Variants in EGLN3 observed in about 807,000 individuals in gnomAD.
EGLN3 encodes the protein egl-9 family hypoxia inducible factor 3, also known as prolyl hydroxylase EGLN3.
A neutral mutation model predicts 26.0 loss-of-function variants in EGLN3; 15 were observed. The ratio of observed to expected loss-of-function variants is 0.58; its 90% CI spans 0.39 to 0.89. The LOEUF is 0.89. Ranked by LOEUF, EGLN3 falls within the 40% of genes least tolerant of loss-of-function variation. The pLI is 0.00. For missense variants in EGLN3, 238 were observed against 311.6 expected (o/e 0.76, Z 1.78); for synonymous variants, 147 against 127.2 (o/e 1.16, Z -1.05).
intron 1 of EGLN3, among the ~76,000 whole-genome samples, chr14:33,936,770 A>G (rs1435033106): frequency 1.5e-5 from 1 of 65,522 alleles, no homozygotes; most frequent in African/African-American, 4.1e-5. Flanking sequence ...AAGGCTGGAG[A>G]AAAAAAAAAA....
chr14:33,937,732 C>G (rs1006186706), intron 1 of EGLN3, among the ~76,000 whole-genome samples: 1 of 152,202 alleles, frequency 6.6e-6, no homozygotes, highest in African/African-American at 2.4e-5. Context: ...CTCGCAGAAC[C>G]TACTTACCCA....
At chr14:33,945,861 G>A (rs1310531802) in intron 1 of EGLN3, among the ~76,000 whole-genome samples, 1 of 152,142 alleles carries the variant, frequency 6.6e-6, no homozygotes, top group Non-Finnish European at 1.5e-5. Flanking sequence ...GAGAAGGGTG[G>A]GCCAAAACTG....
At chr14:33,935,679 T>G (rs1053296584) in intron 1 of EGLN3, among the ~76,000 whole-genome samples, 2 of 151,822 alleles carry the variant, frequency 1.3e-5, no homozygotes, top group African/African-American at 4.8e-5. Context: ...GTGTGAGGAC[T>G]TCCAAGAAGT....
At position 33,950,805 on chromosome 14, in the gene EGLN3, C is replaced by G. The variant is rs2064555807; in HGVS notation, c.-53G>C. The G allele has an allele frequency of 8.1e-7, 1 of 1,232,108 alleles. No individual in the cohort carries two copies. Among genetic ancestry groups the G allele is most frequent in the Non-Finnish European group, 1.0e-6 (1 of 956,004 alleles). The allele number at this position is 1,232,108 out of a possible 1,614,324, so 76.3% of individuals were successfully genotyped here. A position where few individuals can be genotyped will look rare whatever the true frequency, so the allele number is the denominator to read the frequency against. ...CCCCAGCGTGCAACCAGAGAGGGAA[C>G]GATCTACACGAGCGCGAAGCCGAGG... On this transcript the variant is annotated 5_prime_UTR_variant, in exon 1 of 5. Coordinates refer to ENST00000250457, the MANE Select transcript of EGLN3 (RefSeq NM_022073.4).
At chr14:33,941,921 G>A (rs1251191645) in intron 1 of EGLN3, among the ~76,000 whole-genome samples, 2 of 152,166 alleles carry the variant, frequency 1.3e-5, no homozygotes, top group Admixed American at 6.5e-5. Context: ...AGCATTTCAG[G>A]GACTGGGAGG....
chr14:33,934,839 T>G (rs2064429835), intron 1 of EGLN3, among the ~76,000 whole-genome samples: 1 of 152,240 alleles, frequency 6.6e-6, no homozygotes, highest in South Asian at 2.1e-4. Flanking sequence ...AAAATTTAAC[T>G]CACCAAATTA....
intron 1 of EGLN3, among the ~76,000 whole-genome samples, chr14:33,945,006 T>C (rs2064508262): frequency 6.6e-6 from 1 of 152,204 alleles, no homozygotes; most frequent in Non-Finnish European, 1.5e-5. Context: ...AAAAACCCCA[T>C]GAAAACTTGC....
Position 33,927,189 on chromosome 14 carries a change from A to ATTTATTTATTTT in EGLN3, c.615-157_615-156insAAAATAAATAAA, listed in dbSNP as rs1417538510. Among the ~76,000 whole-genome samples the ATTTATTTATTTT allele has an allele frequency of 4.0e-5, 6 of 150,370 alleles. No individual in the cohort carries two copies. The South Asian group carries it at 8.4e-4, about 21-fold the overall frequency. ...TATTTATTTATTTATTTATTTATTTATTTTTTGAGATGGAGTCTTGCTCTG... is the reference window on the plus strand; with the variant it reads ...TATTTATTTATTTATTTATTTATTTATTTATTTATTTTTTTTTTGAGATGGAGTCTTGCTCTG... On this transcript the variant is annotated intron_variant, in intron 3 of 4. Coordinates refer to ENST00000250457, the MANE Select transcript of EGLN3 (RefSeq NM_022073.4).
chr14:33,925,636 C>T lies in EGLN3; in HGVS notation c.*255G>A, dbSNP rs553715770. 1.2e-5 allele frequency: 6 copies of T among 512,596 alleles called. No individual in the cohort carries two copies. Among genetic ancestry groups the T allele is most frequent in the East Asian group, 6.7e-5 (2 of 29,910 alleles). The allele number at this position is 512,596 out of a possible 1,614,324, so 31.8% of individuals were successfully genotyped here. A position where few individuals can be genotyped will look rare whatever the true frequency, so the allele number is the denominator to read the frequency against. Reference sequence around the variant, plus strand: ...GTATTACCGAATCTATCAGGTAAACCGCTGGCCGAGTAGGATGTCTGCAGG... The same window carrying T: ...GTATTACCGAATCTATCAGGTAAACTGCTGGCCGAGTAGGATGTCTGCAGG... On this transcript the variant is annotated 3_prime_UTR_variant, in exon 5 of 5. Coordinates refer to ENST00000250457, the MANE Select transcript of EGLN3 (RefSeq NM_022073.4).
intron 3 of EGLN3, among the ~76,000 whole-genome samples, chr14:33,928,333 C>T (rs2064376968): frequency 1.3e-5 from 2 of 152,176 alleles, no homozygotes; most frequent in Admixed American, 6.5e-5. Flanking sequence ...ATTCTCTCCT[C>T]CTGCCCCTGA....
intron 1 of EGLN3, among the ~76,000 whole-genome samples, chr14:33,942,500 C>G (rs1214602103): frequency 1.3e-5 from 2 of 152,094 alleles, no homozygotes; most frequent in African/African-American, 2.4e-5. Context: ...GGCAACATGG[C>G]AGAACCCCAT....
intron 2 of EGLN3, 139 bp downstream of exon 2, chr14:33,930,957 G>T: frequency 7.8e-7 from 1 of 1,285,076 alleles, no homozygotes. Flanking sequence ...GTCGCAGGAG[G>T]TTATGAAATG....
At chr14:33,926,855 C>G in intron 4 of EGLN3, 105 bp downstream of exon 4, 1 of 767,214 alleles carries the variant, frequency 1.3e-6, no homozygotes, top group Non-Finnish European at 1.9e-6. Flanking sequence ...ATATATAAAG[C>G]TAAGCCGTAA....
intron 1 of EGLN3, among the ~76,000 whole-genome samples, chr14:33,946,108 C>T (rs191058286): frequency 2.8e-4 from 43 of 152,318 alleles, no homozygotes; most frequent in Admixed American, 2.5e-3. Flanking sequence ...GGCGCGGTGG[C>T]TCACACCTGT....
At chr14:33,947,015 C>T (rs1333486454) in intron 1 of EGLN3, among the ~76,000 whole-genome samples, 2 of 152,204 alleles carry the variant, frequency 1.3e-5, no homozygotes, top group African/African-American at 4.8e-5. Context: ...AAGTGCATAG[C>T]ACAGTGCCAG....
intron 3 of EGLN3, among the ~76,000 whole-genome samples, chr14:33,927,431 T>C (rs2064370354): frequency 6.6e-6 from 1 of 152,174 alleles, no homozygotes; most frequent in South Asian, 2.1e-4. Flanking sequence ...AGTGCTGGGA[T>C]TGCAGGTGTG....
chr14:33,930,755 T>C (rs1451851376), intron 2 of EGLN3, among the ~76,000 whole-genome samples: 1 of 152,184 alleles, frequency 6.6e-6, no homozygotes, highest in Non-Finnish European at 1.5e-5. Flanking sequence ...GGGAAAAGTG[T>C]ATATCCTATT....
chr14:33,926,745 A>G (rs1294545381), intron 4 of EGLN3, among the ~76,000 whole-genome samples: 1 of 152,202 alleles, frequency 6.6e-6, no homozygotes, highest in Non-Finnish European at 1.5e-5. Context: ...ACCATCATAC[A>G]TTCAGTGGGC....
rs957368836 is a variant in EGLN3 at position 33,936,202 on chromosome 14, C to T, written c.358-4987G>A. Among the ~76,000 whole-genome samples, 3 of 137,828 alleles carry T rather than the reference C, an allele frequency of 2.2e-5. No homozygotes were observed. The East Asian group carries it at 6.6e-4, about 30-fold the overall frequency. The allele number at this position is 137,828 out of a possible 152,430, so 90.4% of individuals were successfully genotyped here. A position where few individuals can be genotyped will look rare whatever the true frequency, so the allele number is the denominator to read the frequency against. On this transcript the variant is annotated intron_variant, in intron 1 of 4. Transcript: ENST00000250457. ...CCGAGATCGCACCACTGCACTCCAG[C>T]CTGGGCGACAGAGCGAGATGCTGTC...
Sources: allele counts gnomAD v4.1 joint callset (sites outside exome capture counted in the v4.1 genomes callset), GRCh38; gene constraint gnomAD v4.1.1; transcripts MANE v1.5; gene names NCBI Gene and HGNC (gene_info 2026-07-23, HGNC 2026-07-21).